VWC2L: variants seen among roughly 807,000 people sequenced by gnomAD.
The protein encoded by VWC2L is von Willebrand factor C domain containing 2 like.
In VWC2L, 10 loss-of-function variants were observed where a neutral mutation model predicts 21.6. The ratio of observed to expected loss-of-function variants is 0.46; its 90% CI spans 0.29 to 0.78. VWC2L has a LOEUF of 0.78. Ranked by LOEUF, VWC2L falls within the 30% of genes least tolerant of loss-of-function variation. VWC2L has a pLI of 0.10. For synonymous variants in VWC2L, 96 were observed against 94.3 expected, an observed-to-expected ratio of 1.02 and a Z score of -0.10; for missense variants, 209 against 277.1, an observed-to-expected ratio of 0.75 and a Z score of 1.74.
intron 3 of VWC2L, chr2:214,510,340 A>G (rs1390850334): frequency 6.6e-6 from 1 of 152,214 alleles, no homozygotes; most frequent in Non-Finnish European, 1.5e-5. Flanking sequence ...GTAGGCATTA[A>G]ATATTTAATT....
chr2:214,443,158 A>G (rs1702786427), intron 3 of VWC2L, among the ~76,000 whole-genome samples: 2 of 152,114 alleles, frequency 1.3e-5, no homozygotes, highest in Non-Finnish European at 2.9e-5. Flanking sequence ...TAGCCGGCAG[A>G]TCACAAGGTC....
At position 214,414,243 on chromosome 2, in the gene VWC2L, G is replaced by T. The variant is rs756632884; in HGVS notation, c.50G>T (p.Gly17Val). 2 of 1,613,720 alleles carry T rather than the reference G, an allele frequency of 1.2e-6. No homozygotes were observed. Among genetic ancestry groups the T allele is most frequent in the Non-Finnish European group, 1.7e-6 (2 of 1,179,780 alleles). Residue 17 changes from glycine to valine, a missense_variant, in exon 2 of 4, where the codon GGA (glycine) becomes GTA (valine). Coordinates refer to ENST00000312504, the MANE Select transcript of VWC2L (RefSeq NM_001080500.4). Reference sequence around the variant, plus strand: ...TGCATACTTCTGTTGGTCATCCCTGGATTGGTCACCTCTGCTGCTATCAGT... The same window carrying T: ...TGCATACTTCTGTTGGTCATCCCTGTATTGGTCACCTCTGCTGCTATCAGT... ...EACILLLVIP[G>V]LVTSAAISHE...
chr2:214,457,051 A>G (rs1703068667), intron 3 of VWC2L, among the ~76,000 whole-genome samples: 1 of 151,640 alleles, frequency 6.6e-6, no homozygotes, highest in Admixed American at 6.6e-5. Context: ...GAGTATTCAG[A>G]CTCCTTTTTT....
intron 3 of VWC2L, among the ~76,000 whole-genome samples, chr2:214,450,733 G>A (rs1008612129): frequency 6.6e-6 from 1 of 152,034 alleles, no homozygotes; most frequent in African/African-American, 2.4e-5. Flanking sequence ...TGGGAGAGTG[G>A]GATGGAAAAA....
chr2:214,476,891 T>C (rs1445359188), intron 3 of VWC2L, among the ~76,000 whole-genome samples: 3 of 152,194 alleles, frequency 2.0e-5, no homozygotes, highest in Non-Finnish European at 2.9e-5. Flanking sequence ...ATTTTGCCAA[T>C]TTGCGGTGTA....
At chr2:214,504,195 C>G (rs996826978) in intron 3 of VWC2L, among the ~76,000 whole-genome samples, 2 of 152,170 alleles carry the variant, frequency 1.3e-5, no homozygotes, top group Admixed American at 1.3e-4. Flanking sequence ...TTTTGAATAG[C>G]TTTAGCTGCT....
At chr2:214,453,943 A>G (rs560365163) in intron 3 of VWC2L, among the ~76,000 whole-genome samples, 31 of 151,480 alleles carry the variant, frequency 2.0e-4, no homozygotes, top group African/African-American at 7.5e-4. Context: ...CTGGTCTCGA[A>G]CTCCTGAGCT....
intron 3 of VWC2L, chr2:214,510,277 G>A (rs976793581): frequency 1.3e-5 from 2 of 151,940 alleles, no homozygotes; most frequent in African/African-American, 4.8e-5. Context: ...TGGTCTCTGT[G>A]GCTGTGCTGA....
intron 3 of VWC2L, among the ~76,000 whole-genome samples, chr2:214,439,974 A>C (rs1380723937): frequency 1.3e-5 from 2 of 151,938 alleles, no homozygotes; most frequent in African/African-American, 2.4e-5. Context: ...TTTATTCTTG[A>C]TAATATAATT....
intron 3 of VWC2L, among the ~76,000 whole-genome samples, chr2:214,567,350 T>C (rs1229692611): frequency 6.6e-6 from 1 of 152,046 alleles, no homozygotes; most frequent in Non-Finnish European, 1.5e-5. Flanking sequence ...CAGATCTCTG[T>C]AACAACCTGG....
At chr2:214,412,064 A>G (rs1702284024) in intron 1 of VWC2L, among the ~76,000 whole-genome samples, 1 of 152,090 alleles carries the variant, frequency 6.6e-6, no homozygotes, top group Admixed American at 6.6e-5. Context: ...ACTTTGTTAT[A>G]TTGAAAATAA....
intron 3 of VWC2L, among the ~76,000 whole-genome samples, chr2:214,466,434 T>C (rs1273982102): frequency 2.0e-5 from 3 of 152,222 alleles, no homozygotes; most frequent in African/African-American, 7.2e-5. Flanking sequence ...TTGTGGAATA[T>C]GTGTCTTGAT....
intron 3 of VWC2L, among the ~76,000 whole-genome samples, chr2:214,571,639 A>G (rs1412059004): frequency 6.6e-6 from 1 of 152,230 alleles, no homozygotes; most frequent in Non-Finnish European, 1.5e-5. Flanking sequence ...GACCTGGACC[A>G]TAAGAAATAA....
Position 214,513,196 on chromosome 2 carries a change from C to T in VWC2L, c.521-62476C>T, listed in dbSNP as rs1260576787. Reference sequence around the variant, plus strand: ...TTTTGGTCAGACAAGTGATTACTGTCGGGTCAAAGAGACCCAGGAATGTCT... The same window carrying T: ...TTTTGGTCAGACAAGTGATTACTGTTGGGTCAAAGAGACCCAGGAATGTCT... On this transcript the variant is annotated intron_variant, in intron 3 of 3. Transcript: ENST00000312504. Among the ~76,000 whole-genome samples the T allele has an allele frequency of 6.6e-5, 10 of 152,066 alleles. 1 individual carries two copies. Among genetic ancestry groups the T allele is most frequent in the Admixed American group, 2.0e-4 (3 of 15,278 alleles).
intron 2 of VWC2L, among the ~76,000 whole-genome samples, chr2:214,424,748 A>C (rs1382404077): frequency 3.3e-5 from 5 of 152,220 alleles, no homozygotes; most frequent in African/African-American, 1.2e-4. Context: ...TAATGATTCA[A>C]GATAGGCTAA....
intron 3 of VWC2L, among the ~76,000 whole-genome samples, chr2:214,506,966 A>T (rs1377342148): frequency 2.5e-5 from 1 of 40,024 alleles, no homozygotes; most frequent in Non-Finnish European, 1.4e-4. Context: ...ATTACTGAAA[A>T]TTTTCTAATT....
chr2:214,507,101 T>G (rs1688978616), intron 3 of VWC2L, among the ~76,000 whole-genome samples: 1 of 152,172 alleles, frequency 6.6e-6, no homozygotes, highest in Admixed American at 6.5e-5. Context: ...AGCATATTTT[T>G]ATAAAATATT....
At chr2:214,453,456 T>C (rs1559295356) in intron 3 of VWC2L, among the ~76,000 whole-genome samples, 1 of 152,234 alleles carries the variant, frequency 6.6e-6, no homozygotes, top group Non-Finnish European at 1.5e-5. Flanking sequence ...CTAGGTTCTT[T>C]GATTTTCTAT....
At chr2:214,488,685 T>C (rs148192044) in intron 3 of VWC2L, among the ~76,000 whole-genome samples, 1 of 152,208 alleles carries the variant, frequency 6.6e-6, no homozygotes, top group East Asian at 1.9e-4. Flanking sequence ...ACTGGGTAAT[T>C]TAGAAAGAAA....
Sources: allele counts gnomAD v4.1 joint callset (sites outside exome capture counted in the v4.1 genomes callset), GRCh38; gene constraint gnomAD v4.1.1; transcripts MANE v1.5; gene names NCBI Gene and HGNC (gene_info 2026-07-23, HGNC 2026-07-21).